Variants in RYR2 observed in about 807,000 individuals in gnomAD.
RYR2 encodes ryanodine receptor 2, also known as cardiac muscle ryanodine receptor-calcium release channel.
A neutral mutation model predicts 601.1 loss-of-function variants in RYR2; 227 were observed. The ratio of observed to expected loss-of-function variants is 0.38; its 90% CI spans 0.34 to 0.42. RYR2 has a LOEUF of 0.42. Among genes scored for constraint, RYR2 ranks in the 10% least tolerant of loss-of-function variants. The pLI is 1.00. For synonymous variants in RYR2, 2,223 were observed against 2,175.1 expected (o/e 1.02, Z -0.61); for missense variants, 4,646 against 6,156.5 (o/e 0.75, Z 8.21).
At chr1:237,374,224 T>A (rs1408937046) in intron 6 of RYR2, among the ~76,000 whole-genome samples, 76 of 152,150 alleles carry the variant, frequency 5.0e-4, no homozygotes, top group African/African-American at 1.8e-3. Flanking sequence ...CTGGTACAAC[T>A]ATAAACCTTA....
intron 1 of RYR2, among the ~76,000 whole-genome samples, chr1:237,121,470 A>T (rs1371572610): frequency 6.6e-6 from 1 of 152,234 alleles, no homozygotes; most frequent in East Asian, 1.9e-4. Context: ...GAGAATTTTA[A>T]GATAATTTCC....
chr1:237,248,641 T>C (rs914658671), intron 1 of RYR2, among the ~76,000 whole-genome samples: 4 of 152,078 alleles, frequency 2.6e-5, no homozygotes, highest in South Asian at 4.1e-4. Flanking sequence ...CCCATTTTTA[T>C]GATGAAGAGA....
At chr1:237,257,766 G>A (rs997523560) in intron 1 of RYR2, among the ~76,000 whole-genome samples, 2 of 152,146 alleles carry the variant, frequency 1.3e-5, no homozygotes, top group Non-Finnish European at 2.9e-5. Flanking sequence ...AGGAAGGTAG[G>A]GTGAGAAGGA....
chr1:237,638,578 A>G, intron 45 of RYR2, 86 bp downstream of exon 45: 1 of 1,368,028 alleles, frequency 7.3e-7, no homozygotes, highest in East Asian at 2.3e-5. Flanking sequence ...ACTTTCATGA[A>G]GGAAGTATTA....
intron 23 of RYR2, among the ~76,000 whole-genome samples, chr1:237,511,436 G>A (rs1411120629): frequency 6.6e-6 from 1 of 152,000 alleles, no homozygotes; most frequent in Non-Finnish European, 1.5e-5. Flanking sequence ...GGGAATCTGG[G>A]GTAGAAGTCT....
At chr1:237,070,552 G>T (rs1474016854) in intron 1 of RYR2, among the ~76,000 whole-genome samples, 1 of 152,160 alleles carries the variant, frequency 6.6e-6, no homozygotes, top group African/African-American at 2.4e-5. Flanking sequence ...TGGTGCCTCT[G>T]CTTGGGTTTT....
At chr1:237,466,130 T>G (rs1201155547) in intron 16 of RYR2, among the ~76,000 whole-genome samples, 1 of 152,180 alleles carries the variant, frequency 6.6e-6, no homozygotes, top group African/African-American at 2.4e-5. Flanking sequence ...ACCCAGATGT[T>G]CAAAATTACA....
At chr1:237,522,977 A>G (rs1193694603) in intron 24 of RYR2, among the ~76,000 whole-genome samples, 1 of 121,590 alleles carries the variant, frequency 8.2e-6, no homozygotes, top group African/African-American at 2.8e-5. Context: ...TTCTCTCACC[A>G]CCCTTCAGCA....
intron 101 of RYR2, among the ~76,000 whole-genome samples, chr1:237,821,601 C>G (rs1464417072): frequency 1.3e-5 from 2 of 151,962 alleles, no homozygotes; most frequent in Non-Finnish European, 2.9e-5. Context: ...ATTCCAAAAA[C>G]TGGAACACCT....
intron 63 of RYR2, among the ~76,000 whole-genome samples, chr1:237,692,719 C>G (rs1047754736): frequency 1.7e-4 from 26 of 152,186 alleles, no homozygotes; most frequent in Non-Finnish European, 3.4e-4. Flanking sequence ...CCTTCACACT[C>G]ATAACAAACT....
chr1:237,451,482 G>A (rs980063453), intron 14 of RYR2, among the ~76,000 whole-genome samples: 1 of 150,716 alleles, frequency 6.6e-6, no homozygotes, highest in Non-Finnish European at 1.5e-5. Context: ...GCTAAGGCTC[G>A]AGAATCACTT....
intron 90 of RYR2, among the ~76,000 whole-genome samples, chr1:237,785,371 T>C (rs1219358974): frequency 6.6e-6 from 1 of 152,230 alleles, no homozygotes; most frequent in African/African-American, 2.4e-5. Context: ...ATGTTCTTTG[T>C]AGTCATTAGT....
At chr1:237,498,429 C>T (rs977422586) in intron 20 of RYR2, among the ~76,000 whole-genome samples, 3 of 152,064 alleles carry the variant, frequency 2.0e-5, no homozygotes, top group African/African-American at 7.2e-5. Flanking sequence ...GGCTAAAGTC[C>T]ATGTTATAAA....
At chr1:237,169,260 A>T (rs1677060147) in intron 1 of RYR2, among the ~76,000 whole-genome samples, 1 of 151,820 alleles carries the variant, frequency 6.6e-6, no homozygotes, top group African/African-American at 2.4e-5. Flanking sequence ...CTTGCTCATG[A>T]TATGGATGGG....
chr1:237,426,059 C>CAT (rs923825764), intron 12 of RYR2, among the ~76,000 whole-genome samples: 15 of 150,760 alleles, frequency 9.9e-5, no homozygotes, highest in African/African-American at 2.2e-4. Flanking sequence ...TACATATATT[C>CAT]ATATATATAT....
chr1:237,304,939 A>G (rs550462949), intron 2 of RYR2, among the ~76,000 whole-genome samples: 1 of 152,334 alleles, frequency 6.6e-6, no homozygotes, highest in East Asian at 1.9e-4. Flanking sequence ...AATGCAGATG[A>G]TCATTTATAA....
intron 19 of RYR2, among the ~76,000 whole-genome samples, chr1:237,494,224 G>A (rs994178994): frequency 2.6e-5 from 4 of 152,146 alleles, no homozygotes; most frequent in Admixed American, 1.3e-4. Flanking sequence ...GCCCGTCTGA[G>A]TCCCAAAACC....
At chr1:237,808,389 G>A (rs549090782) in intron 99 of RYR2, among the ~76,000 whole-genome samples, 65 of 152,054 alleles carry the variant, frequency 4.3e-4, no homozygotes, top group African/African-American at 5.8e-4. Flanking sequence ...GGCCGGGCAC[G>A]GTGGCTCACG....
In RYR2 at chr1:237,132,174, G is replaced by A. The variant is rs537406104; in HGVS notation, c.48+89605G>A. ...TGCCTTGCTCTCTGTTTGGTGACACGTTCTGAAGGAAACTATTCACTATGT... is the reference window on the plus strand; with the variant it reads ...TGCCTTGCTCTCTGTTTGGTGACACATTCTGAAGGAAACTATTCACTATGT... On this transcript the variant is annotated intron_variant, in intron 1 of 104. Coordinates refer to ENST00000366574, the MANE Select transcript of RYR2 (RefSeq NM_001035.3). Among the ~76,000 whole-genome samples, 14 of 152,334 alleles carry A rather than the reference G, an allele frequency of 9.2e-5. No individual in the cohort carries two copies. In the South Asian group the frequency reaches 2.5e-3, roughly 27 times the overall value.
Sources: gnomAD v4.1 joint callset for allele counts (sites outside exome capture counted in the v4.1 genomes callset) on GRCh38, gnomAD v4.1.1 for gene constraint, MANE v1.5 for transcripts, NCBI Gene and HGNC (gene_info 2026-07-23, HGNC 2026-07-21) for gene names.